HERC5: variants seen among roughly 807,000 people sequenced by gnomAD.
The protein encoded by HERC5 is E3 ISG15--protein ligase HERC5.
HERC5 carries 99 observed loss-of-function variants against 119.6 expected under a neutral mutation model. The observed-to-expected ratio is 0.83, with a 90% CI of 0.70 to 0.98. HERC5 has a LOEUF of 0.98. Among genes scored for constraint, HERC5 ranks in the 50% least tolerant of loss-of-function variants. The pLI, the probability that HERC5 is intolerant of heterozygous loss-of-function variation, is 0.00. For synonymous variants in HERC5, 478 were observed against 445.9 expected, an observed-to-expected ratio of 1.07 and a Z score of -0.91; for missense variants, 1,267 against 1,241.3, an observed-to-expected ratio of 1.02 and a Z score of -0.31.
intron 13 of HERC5, among the ~76,000 whole-genome samples, chr4:88,480,214 A>G (rs1184345797): frequency 2.6e-5 from 4 of 152,150 alleles, no homozygotes; most frequent in Middle Eastern, 3.4e-3. Context: ...TTAGAACTAT[A>G]TGTATGTATT....
chr4:88,494,116 G>T, intron 17 of HERC5, 49 bp from the exon 18 acceptor site: 2 of 1,150,458 alleles, frequency 1.7e-6, no homozygotes, highest in Non-Finnish European at 2.5e-6. Flanking sequence ...ATATTTCATT[G>T]TACTGGTAAA....
At chr4:88,464,119 AT>A in intron 6 of HERC5, 134 bp downstream of exon 6, 1 of 586,228 alleles carries the variant, frequency 1.7e-6, no homozygotes, top group Non-Finnish European at 2.7e-6. Context: ...AATTTATATT[AT>A]TTAGATAAAT....
chr4:88,459,226 T>A, intron 1 of HERC5, 121 bp from the exon 2 acceptor site: 1 of 751,122 alleles, frequency 1.3e-6, no homozygotes, highest in Non-Finnish European at 2.0e-6. Flanking sequence ...AAGTTCATGG[T>A]AAGTCAAAGC....
chr4:88,494,021 C>A, intron 17 of HERC5, 144 bp from the exon 18 acceptor site: 1 of 358,956 alleles, frequency 2.8e-6, no homozygotes, highest in South Asian at 4.6e-5. Flanking sequence ...CTAATATAAA[C>A]CCTAAACATT....
At chr4:88,458,881 G>A (rs930137381) in intron 1 of HERC5, among the ~76,000 whole-genome samples, 3 of 152,092 alleles carry the variant, frequency 2.0e-5, no homozygotes, top group African/African-American at 4.8e-5. Context: ...TAAGAATATA[G>A]GCATTGGTTT....
chr4:88,492,933 T>C, intron 16 of HERC5, 79 bp from the exon 17 acceptor site: 1 of 1,374,088 alleles, frequency 7.3e-7, no homozygotes, highest in Non-Finnish European at 1.0e-6. Context: ...ATGTTAGCTA[T>C]TTACTATTAT....
chr4:88,478,714 C>T (rs536785996), intron 12 of HERC5, among the ~76,000 whole-genome samples: 34 of 152,064 alleles, frequency 2.2e-4, no homozygotes, highest in Non-Finnish European at 3.8e-4. Context: ...CAGTCTCAAG[C>T]GGTTCTCCCA....
chr4:88,501,679 C>T (rs570526058), intron 20 of HERC5, among the ~76,000 whole-genome samples: 21 of 152,146 alleles, frequency 1.4e-4, no homozygotes, highest in Admixed American at 1.1e-3. Flanking sequence ...CATAAATGTA[C>T]AGTTTAGTGA....
chr4:88,486,956 C>T, intron 14 of HERC5, 113 bp from the exon 15 acceptor site: 1 of 617,440 alleles, frequency 1.6e-6, no homozygotes, highest in Non-Finnish European at 2.8e-6. Context: ...ATTTGGATTG[C>T]TTTTGTTGGA....
intron 13 of HERC5, among the ~76,000 whole-genome samples, chr4:88,480,765 A>T (rs1741252825): frequency 6.6e-6 from 1 of 152,186 alleles, no homozygotes; most frequent in African/African-American, 2.4e-5. Context: ...GTTCAAATGC[A>T]CTAGAGCATA....
chr4:88,483,812 G>A (rs1222371747), intron 13 of HERC5, among the ~76,000 whole-genome samples: 3 of 152,280 alleles, frequency 2.0e-5, no homozygotes, highest in East Asian at 1.9e-4. Flanking sequence ...TTACAGGCAT[G>A]AGCCATTGCG....
intron 7 of HERC5, among the ~76,000 whole-genome samples, chr4:88,467,486 A>G (rs1740712490): frequency 6.6e-6 from 1 of 152,222 alleles, no homozygotes; most frequent in Admixed American, 6.5e-5. Flanking sequence ...AGTTTGCAAG[A>G]GACTTACTAA....
chr4:88,475,810 ATCCCTT>A (rs769372424), intron 11 of HERC5, 25 bp from the exon 12 acceptor site: 5 of 1,596,930 alleles, frequency 3.1e-6, no homozygotes, highest in African/African-American at 1.4e-5. Flanking sequence ...TGAGTTTTGA[ATCCCTT>A]TTCCCTGTTC....
rs1272703347 is a variant in HERC5, at chr4:88,487,466, A to G, written c.1962+287A>G. Among the ~76,000 whole-genome samples the G allele has an allele frequency of 2.6e-5, 4 of 152,326 alleles. No homozygotes were observed. The East Asian group carries it at 5.8e-4, about 22-fold the overall frequency. On this transcript the variant is annotated intron_variant, in intron 15 of 22. Coordinates refer to ENST00000264350, the MANE Select transcript of HERC5 (RefSeq NM_016323.4). ...GCAGTGGCAGCCTGTAGTCTTCTGA[A>G]TAGTACTCAAAGAGGTATAACAAAC...
At position 88,457,458 on chromosome 4, in the gene HERC5, C is replaced by T; in HGVS notation, c.189C>T (p.Leu63=). ...AACTCTGCTGCTCGCCGGGGCGCCTCGCGGTCTTGGAACGCGGCGGGGCGG... is the reference window on the plus strand; with the variant it reads ...AACTCTGCTGCTCGCCGGGGCGCCTTGCGGTCTTGGAACGCGGCGGGGCGG... ...TRQLCCSPGR[L]AVLERGGAGV... Residue 63 remains leucine, a synonymous_variant, in exon 1 of 23, where the codon CTC becomes CTT. Transcript: ENST00000264350. The T allele has an allele frequency of 1.5e-6, 2 of 1,344,444 alleles. No individual in the cohort carries two copies. The highest frequency in any genetic ancestry group is 5.7e-5 in the East Asian group (2 of 34,902). 83.3% of individuals were successfully genotyped at this position (1,344,444 alleles called of 1,614,324 possible).
chr4:88,496,501 G>T (rs938225946), intron 18 of HERC5, among the ~76,000 whole-genome samples: 1 of 152,168 alleles, frequency 6.6e-6, no homozygotes, highest in Non-Finnish European at 1.5e-5. Flanking sequence ...CCATGCCTAT[G>T]TGGAACTTTA....
At chr4:88,503,035 T>G (rs1287377258) in intron 20 of HERC5, among the ~76,000 whole-genome samples, 3 of 152,176 alleles carry the variant, frequency 2.0e-5, no homozygotes, top group Non-Finnish European at 4.4e-5. Context: ...AATATTTTCC[T>G]TAATGCATAG....
intron 12 of HERC5, 142 bp downstream of exon 12, chr4:88,476,172 A>G (rs1741063062): frequency 1.6e-6 from 1 of 610,350 alleles, no homozygotes; most frequent in Non-Finnish European, 2.8e-6. Context: ...AAGGTACTAT[A>G]ACAATTACCA....
chr4:88,504,688 T>C, intron 22 of HERC5, 91 bp downstream of exon 22: 2 of 648,184 alleles, frequency 3.1e-6, no homozygotes, highest in Non-Finnish European at 4.9e-6. Context: ...TTGCAACAGA[T>C]CATAGTGTCA....
Sources: allele counts gnomAD v4.1 joint callset (sites outside exome capture counted in the v4.1 genomes callset), GRCh38; gene constraint gnomAD v4.1.1; transcripts MANE v1.5; gene names NCBI Gene and HGNC (gene_info 2026-07-23, HGNC 2026-07-21).